The following ENTPD3 variants were observed in gnomAD, a reference collection of about 807,000 sequenced individuals.
The protein encoded by ENTPD3 is CD39 antigen-like 3.
Under a neutral mutation model 51.2 loss-of-function variants are expected in ENTPD3, and 60 were observed. That is an observed-to-expected ratio of 1.17 (90% CI 0.95 to 1.45). The LOEUF (loss-of-function observed/expected upper bound fraction) is 1.45. ENTPD3 is among the 40% of genes most tolerant of loss of function. The probability of loss-of-function intolerance (pLI) is 0.00; values close to 1 mark genes in which losing one functional copy is unlikely to be tolerated. For missense variants in ENTPD3, 593 were observed against 641.1 expected (o/e 0.93, Z 0.81); for synonymous variants, 221 against 238.4 (o/e 0.93, Z 0.67).
Position 40,423,086 on chromosome 3 carries a change from T to C in ENTPD3, c.1068T>C (p.Asp356=). ...ATGATCAAGAAACCTGTTCTTTTGA[T>C]GGGGTTTATCAGCCAAAGATTAAAG... ...ACHDQETCSF[D]GVYQPKIKGP... The change falls in exon 8 of 11, where the codon GAT becomes GAC. Residue 356 remains aspartate (D), a synonymous_variant. Transcript: ENST00000301825. The C allele has an allele frequency of 1.9e-6, 3 of 1,614,050 alleles. No homozygotes were observed. Among genetic ancestry groups the C allele is most frequent in the Non-Finnish European group, 2.5e-6 (3 of 1,179,930 alleles).
Position 40,422,861 on chromosome 3 carries a change from C to T in ENTPD3, c.843C>T (p.Thr281=), listed in dbSNP as rs1262100463. 6.2e-7 allele frequency: 1 copy of T among 1,611,792 alleles called. No homozygotes were observed. The highest frequency in any genetic ancestry group is 8.5e-7 in the Non-Finnish European group (1 of 1,179,696). Residue 281 remains threonine, a synonymous_variant, in exon 8 of 11, where the codon ACC becomes ACT. Coordinates refer to ENST00000301825, the MANE Select transcript of ENTPD3 (RefSeq NM_001248.4). ...TCTTATACCTACAGAATTCTCCTAC[C>T]AAAAACCATCTCACCAATCCCTGTT... The part of the protein sequence containing the change: ...FLAMLLQNSP[T]KNHLTNPCYP...
At chr3:40,412,109 G>C (rs1449319369) in intron 5 of ENTPD3, 147 bp downstream of exon 5, 1 of 800,702 alleles carries the variant, frequency 1.2e-6, no homozygotes, top group Non-Finnish European at 1.8e-6. Flanking sequence ...GGGCTTTAAA[G>C]GTTGGGAAAC....
intron 7 of ENTPD3, 43 bp from the exon 8 acceptor site, chr3:40,422,807 G>T (rs766543501): frequency 1.3e-6 from 2 of 1,542,798 alleles, no homozygotes; most frequent in Non-Finnish European, 1.8e-6. Context: ...GAATAGTGCC[G>T]CAATAAACAT....
intron 2 of ENTPD3, 171 bp from the exon 3 acceptor site, chr3:40,391,852 G>C: frequency 1.4e-6 from 1 of 720,512 alleles, no homozygotes; most frequent in Non-Finnish European, 2.4e-6. Context: ...CCCCAAAACT[G>C]GGGAGAAGGG....
At position 40,414,675 on chromosome 3, in the gene ENTPD3, G is replaced by C; in HGVS notation, c.438-6G>C. The C allele has an allele frequency of 6.2e-7, 1 of 1,613,950 alleles. No homozygotes were observed. The highest frequency in any genetic ancestry group is 1.7e-5 in the Admixed American group (1 of 60,008). On this transcript the variant is annotated splice_region_variant and splice_polypyrimidine_tract_variant and intron_variant, in intron 5 of 10. Transcript: ENST00000301825. ...CTCAGACTTGTTTGTTCTGTGCCTTGTACAGGTTGCAAAATGAAACAGCAG... is the reference window on the plus strand; with the variant it reads ...CTCAGACTTGTTTGTTCTGTGCCTTCTACAGGTTGCAAAATGAAACAGCAG...
At chr3:40,425,692 T>C (rs893348472) in intron 10 of ENTPD3, among the ~76,000 whole-genome samples, 1 of 151,394 alleles carries the variant, frequency 6.6e-6, no homozygotes, top group Non-Finnish European at 1.5e-5. Flanking sequence ...AGGTCAGGAG[T>C]TCGAGACCAG....
intron 4 of ENTPD3, among the ~76,000 whole-genome samples, 180 bp from the exon 5 acceptor site, chr3:40,411,632 C>A (rs1028525431): frequency 2.0e-5 from 3 of 152,072 alleles, no homozygotes; most frequent in Admixed American, 2.0e-4. Flanking sequence ...GTAATTCATT[C>A]TTTTAGAGGT....
rs986239161 is a variant in ENTPD3, at chr3:40,401,463, A to T, written c.286+452A>T. Among the ~76,000 whole-genome samples the T allele has an allele frequency of 2.0e-5, 3 of 152,236 alleles. No homozygotes were observed. In the East Asian group the frequency reaches 5.8e-4, roughly 29 times the overall value. On this transcript the variant is annotated intron_variant, in intron 4 of 10. Transcript: ENST00000301825. The stretch of plus-strand genomic sequence containing the variant: ...ATGCACTCATGCAATAGGTTCTGTC[A>T]TAGGAAAGGAAATCTGGGATTTTAG...
chr3:40,403,604 C>T (rs562339047), intron 4 of ENTPD3, among the ~76,000 whole-genome samples: 40 of 151,782 alleles, frequency 2.6e-4, no homozygotes, highest in African/African-American at 8.7e-4. Flanking sequence ...GTATATTGCA[C>T]GGCACGGTTT....
intron 7 of ENTPD3, among the ~76,000 whole-genome samples, chr3:40,421,404 A>C (rs1188845292): frequency 6.6e-6 from 1 of 152,202 alleles, no homozygotes; most frequent in Non-Finnish European, 1.5e-5. Flanking sequence ...ATTCCTTAGA[A>C]AAGAGAGTTC....
intron 3 of ENTPD3, among the ~76,000 whole-genome samples, chr3:40,395,398 T>A (rs990271989): frequency 2.6e-4 from 40 of 152,316 alleles, no homozygotes; most frequent in African/African-American, 9.1e-4. Flanking sequence ...ACATGTTGAA[T>A]GCTACTGTCT....
chr3:40,419,644 G>A (rs1365663555), intron 7 of ENTPD3, among the ~76,000 whole-genome samples: 2 of 152,258 alleles, frequency 1.3e-5, no homozygotes, highest in East Asian at 3.9e-4. Context: ...ATTATACAAT[G>A]TATTTCCATT....
At chr3:40,427,182 C>A in intron 10 of ENTPD3, 90 bp from the exon 11 acceptor site, 1 of 1,056,254 alleles carries the variant, frequency 9.5e-7, no homozygotes. Context: ...CCCATGGGAG[C>A]TTTGTGAGGT....
intron 4 of ENTPD3, among the ~76,000 whole-genome samples, chr3:40,404,398 G>C (rs1336187625): frequency 4.6e-5 from 7 of 152,182 alleles, no homozygotes; most frequent in Admixed American, 4.6e-4. Context: ...CTTGCCACTT[G>C]TTACTCTGTC....
chr3:40,420,384 C>T (rs989723013), intron 7 of ENTPD3, among the ~76,000 whole-genome samples: 30 of 151,686 alleles, frequency 2.0e-4, no homozygotes, highest in African/African-American at 6.0e-4. Context: ...TACAGGTGCC[C>T]GCCACCATGC....
intron 4 of ENTPD3, among the ~76,000 whole-genome samples, chr3:40,401,431 A>G (rs1374360169): frequency 2.0e-5 from 3 of 152,230 alleles, no homozygotes. Context: ...AAAGACGGAC[A>G]GATAGTATGC....
At chr3:40,409,870 G>A (rs1419640730) in intron 4 of ENTPD3, among the ~76,000 whole-genome samples, 2 of 151,778 alleles carry the variant, frequency 1.3e-5, no homozygotes, top group African/African-American at 4.8e-5. Context: ...AAGTATTGTT[G>A]AATGCAAAGA....
intron 8 of ENTPD3, 31 bp from the exon 9 acceptor site, chr3:40,423,260 A>C (rs769941349): frequency 6.3e-7 from 1 of 1,588,216 alleles, no homozygotes; most frequent in African/African-American, 1.3e-5. Context: ...CATTCTGAGA[A>C]CTAATTTTCT....
chr3:40,413,992 T>TCTAC lies in ENTPD3; in HGVS notation c.438-687_438-684dup, dbSNP rs1233316882. Among the ~76,000 whole-genome samples the TCTAC allele has an allele frequency of 2.0e-5, 3 of 152,320 alleles. No homozygotes were observed. In the East Asian group the frequency reaches 5.8e-4, roughly 29 times the overall value. ...AAGAGTCAGCCAGTGCCCCTGGCTT[T>TCTAC]CTACCCATGGATGAAAGATGAAATA... On this transcript the variant is annotated intron_variant, in intron 5 of 10. Transcript: ENST00000301825.
Sources: gnomAD v4.1 joint callset for allele counts (sites outside exome capture counted in the v4.1 genomes callset) on GRCh38, gnomAD v4.1.1 for gene constraint, MANE v1.5 for transcripts, NCBI Gene and HGNC (gene_info 2026-07-23, HGNC 2026-07-21) for gene names.